TNS3: variants seen among roughly 807,000 people sequenced by gnomAD.
TNS3 encodes tensin-3.
TNS3 carries 45 observed loss-of-function variants against 140.9 expected under a neutral mutation model. The observed-to-expected ratio is 0.32, with a 90% CI of 0.25 to 0.41. The LOEUF (loss-of-function observed/expected upper bound fraction) is 0.41. Among genes scored for constraint, TNS3 ranks in the 10% least tolerant of loss-of-function variants. TNS3 has a pLI of 1.00. For missense variants in TNS3, 1,716 were observed against 1,906.7 expected (o/e 0.90, Z 1.86); for synonymous variants, 815 against 788.4 (o/e 1.03, Z -0.56).
Position 47,374,434 on chromosome 7 carries a change from C to A in TNS3, c.1025-4813G>T, listed in dbSNP as rs181827392. On this transcript the variant is annotated intron_variant, in intron 16 of 30. Coordinates refer to ENST00000311160, the MANE Select transcript of TNS3 (RefSeq NM_022748.12). ...AATATCTGTCTTCTGACCTCTGTAT[C>A]GTCTATCTTCTCACCTATGAAACTG... Among the ~76,000 whole-genome samples the A allele has an allele frequency of 2.0e-5, 3 of 152,302 alleles. No individual in the cohort carries two copies. The East Asian group carries it at 5.8e-4, about 29-fold the overall frequency.
intron 1 of TNS3, among the ~76,000 whole-genome samples, chr7:47,560,907 C>T (rs754326636): frequency 2.6e-4 from 39 of 152,220 alleles, no homozygotes; most frequent in Admixed American, 1.3e-4. Flanking sequence ...ATCAGGCAGG[C>T]CATGGGTGTC....
At chr7:47,494,961 G>GA (rs1021533093) in intron 3 of TNS3, among the ~76,000 whole-genome samples, 7 of 151,954 alleles carry the variant, frequency 4.6e-5, no homozygotes, top group East Asian at 1.9e-4. Context: ...AAATGTGGCT[G>GA]AAAAAAAGAA....
At chr7:47,372,122 A>G (rs1279926376) in intron 16 of TNS3, among the ~76,000 whole-genome samples, 1 of 152,188 alleles carries the variant, frequency 6.6e-6, no homozygotes, top group Non-Finnish European at 1.5e-5. Flanking sequence ...GTGCTGATAA[A>G]CGGCTTCTGC....
Position 47,308,911 on chromosome 7 carries a change from G to A in TNS3, c.2651-3908C>T, listed in dbSNP as rs149618435. 2.1e-3 allele frequency among the ~76,000 whole-genome samples: 317 copies of A among 152,248 alleles called. 2 individuals carry two copies. Among genetic ancestry groups the A allele is most frequent in the African/African-American group, 7.2e-3 (301 of 41,536 alleles). ...CAACGCTCAGTTGAATACGTATGGC[G>A]GATCCTCTGCAGATCTCCAACAGCT... On this transcript the variant is annotated intron_variant, in intron 20 of 30. Transcript: ENST00000311160.
chr7:47,298,705 G>A (rs1037990128), intron 23 of TNS3, among the ~76,000 whole-genome samples: 4 of 152,220 alleles, frequency 2.6e-5, no homozygotes, highest in Admixed American at 6.5e-5. Context: ...TACCTCCACG[G>A]CGCACTCCCA....
chr7:47,325,161 C>A (rs184711799), intron 20 of TNS3, among the ~76,000 whole-genome samples: 1 of 152,262 alleles, frequency 6.6e-6, no homozygotes, highest in East Asian at 1.9e-4. Flanking sequence ...CAAGCCTTAT[C>A]TTTGGTCCCA....
chr7:47,517,606 T>A (rs981819792), intron 2 of TNS3, among the ~76,000 whole-genome samples: 4 of 152,316 alleles, frequency 2.6e-5, no homozygotes, highest in African/African-American at 9.6e-5. Context: ...TGTAAGCCTA[T>A]AAATATGTCC....
At chr7:47,491,023 A>G (rs1360707499) in intron 3 of TNS3, among the ~76,000 whole-genome samples, 1 of 152,178 alleles carries the variant, frequency 6.6e-6, no homozygotes, top group Admixed American at 6.5e-5. Flanking sequence ...ATGAGCTGTC[A>G]CAGATGAGGA....
At chr7:47,369,647 G>A (rs1183380630) in intron 16 of TNS3, 26 bp from the exon 17 acceptor site, 2 of 1,528,378 alleles carry the variant, frequency 1.3e-6, no homozygotes, top group East Asian at 2.3e-5. Flanking sequence ...CCGGAGAGAG[G>A]CTTTCAGTCA....
intron 20 of TNS3, 39 bp downstream of exon 20, chr7:47,344,716 G>A (rs768381829): frequency 1.2e-5 from 19 of 1,581,314 alleles, no homozygotes; most frequent in Middle Eastern, 4.6e-4. Flanking sequence ...TGCAGCGCCT[G>A]AGTGCCGCGC....
chr7:47,370,850 T>C (rs1791027063), intron 16 of TNS3, among the ~76,000 whole-genome samples: 1 of 152,242 alleles, frequency 6.6e-6, no homozygotes, highest in African/African-American at 2.4e-5. Context: ...AGGAGCCCTC[T>C]GGAGGGACCT....
intron 17 of TNS3, among the ~76,000 whole-genome samples, chr7:47,362,408 C>T (rs1267937779): frequency 1.3e-5 from 2 of 152,154 alleles, no homozygotes; most frequent in African/African-American, 4.8e-5. Flanking sequence ...CCTCAGTGCC[C>T]ATTCAGCAGA....
intron 1 of TNS3, among the ~76,000 whole-genome samples, chr7:47,562,373 C>T (rs1800333989): frequency 7.2e-6 from 1 of 138,466 alleles, no homozygotes; most frequent in Admixed American, 8.0e-5. Flanking sequence ...ACCCTTCAGT[C>T]TCATCTGCTG....
At chr7:47,457,483 A>C (rs932560011) in intron 4 of TNS3, among the ~76,000 whole-genome samples, 3 of 152,004 alleles carry the variant, frequency 2.0e-5, no homozygotes, top group African/African-American at 7.3e-5. Flanking sequence ...TTCTCACTCC[A>C]AATAGCTTCA....
intron 17 of TNS3, among the ~76,000 whole-genome samples, chr7:47,360,701 G>T (rs953724748): frequency 6.6e-6 from 1 of 152,174 alleles, no homozygotes; most frequent in Non-Finnish European, 1.5e-5. Context: ...TCTTGCTGAC[G>T]CCTGAGTCCT....
intron 3 of TNS3, among the ~76,000 whole-genome samples, chr7:47,493,688 C>T (rs1797898773): frequency 6.6e-6 from 1 of 150,982 alleles, no homozygotes; most frequent in Non-Finnish European, 1.5e-5. Context: ...AATAGCCGGG[C>T]ATGGTGGCGG....
chr7:47,474,587 CAA>C (rs775606827), intron 4 of TNS3, among the ~76,000 whole-genome samples: 39 of 149,652 alleles, frequency 2.6e-4, no homozygotes, highest in Non-Finnish European at 4.6e-4. Flanking sequence ...ACAACACACA[CAA>C]GACACACCTC....
Position 47,457,664 on chromosome 7 carries a change from A to G in TNS3, c.-75-15609T>C, listed in dbSNP as rs566107172. Among the ~76,000 whole-genome samples the G allele has an allele frequency of 2.0e-5, 3 of 152,296 alleles. No homozygotes were observed. The South Asian group carries it at 6.2e-4, about 32-fold the overall frequency. ...ATGCTCCCTATTTCTATAGAGCTCCAAGTCAGTCCCCTCCAACCACTACAC... is the reference window on the plus strand; with the variant it reads ...ATGCTCCCTATTTCTATAGAGCTCCGAGTCAGTCCCCTCCAACCACTACAC... On this transcript the variant is annotated intron_variant, in intron 4 of 30. Transcript: ENST00000311160.
chr7:47,413,789 T>TC, intron 12 of TNS3, 148 bp downstream of exon 12: 1 of 935,950 alleles, frequency 1.1e-6, no homozygotes, highest in South Asian at 1.6e-5. Flanking sequence ...GAGAGGATTT[T>TC]CCCCACTGGA....
Sources: gnomAD v4.1 joint callset for allele counts (sites outside exome capture counted in the v4.1 genomes callset) on GRCh38, gnomAD v4.1.1 for gene constraint, MANE v1.5 for transcripts, NCBI Gene and HGNC (gene_info 2026-07-23, HGNC 2026-07-21) for gene names.